PPP6R3: variants seen among roughly 807,000 people sequenced by gnomAD.
PPP6R3 encodes protein phosphatase 6 regulatory subunit 3, also known as serine/threonine-protein phosphatase 6 regulatory subunit 3.
PPP6R3 carries 38 observed loss-of-function variants against 110.7 expected under a neutral mutation model. That is an observed-to-expected ratio of 0.34 (90% CI 0.26 to 0.45). The LOEUF (loss-of-function observed/expected upper bound fraction) is 0.45. PPP6R3 is among the 20% of genes least tolerant of loss of function. PPP6R3 has a pLI of 1.00. For synonymous variants in PPP6R3, 369 were observed against 373.5 expected, an observed-to-expected ratio of 0.99 and a Z score of 0.14; for missense variants, 870 against 1,062.4, an observed-to-expected ratio of 0.82 and a Z score of 2.52.
At chr11:68,547,096 ACTT>A (rs939116545) in intron 4 of PPP6R3, among the ~76,000 whole-genome samples, 2 of 152,128 alleles carry the variant, frequency 1.3e-5, no homozygotes, top group African/African-American at 4.8e-5. Context: ...TGGCTATTAG[ACTT>A]CATGTGGCAT....
At chr11:68,487,462 C>T (rs1291411583) in intron 1 of PPP6R3, among the ~76,000 whole-genome samples, 2 of 151,696 alleles carry the variant, frequency 1.3e-5, no homozygotes, top group Admixed American at 1.3e-4. Context: ...CCCAGCTACT[C>T]GGGAGGCTGA....
At chr11:68,571,279 A>G in intron 12 of PPP6R3, 175 bp downstream of exon 12, 1 of 949,154 alleles carries the variant, frequency 1.1e-6, no homozygotes, top group South Asian at 2.0e-5. Context: ...AATACTAATA[A>G]TTTCTTGTTA....
chr11:68,581,928 T>C (rs1416171633), intron 14 of PPP6R3, among the ~76,000 whole-genome samples: 2 of 152,244 alleles, frequency 1.3e-5, no homozygotes, highest in African/African-American at 4.8e-5. Flanking sequence ...CTTGGTGTCT[T>C]TACCAAAGAT....
In PPP6R3 at chr11:68,567,252, A is replaced by G. The variant is rs541299442; in HGVS notation, c.1128+86A>G. 6.7e-5 allele frequency: 90 copies of G among 1,334,084 alleles called. 2 individuals carry two copies. The South Asian group carries it at 1.6e-3, about 23-fold the overall frequency. 82.6% of individuals were successfully genotyped at this position (1,334,084 alleles called of 1,614,324 possible). ...CCAAGTTACAACCTTACAAATTTACATTATGTCAGTGACTTTTCTTGGTCT... is the reference window on the plus strand; with the variant it reads ...CCAAGTTACAACCTTACAAATTTACGTTATGTCAGTGACTTTTCTTGGTCT... On this transcript the variant is annotated intron_variant, in intron 10 of 23. Transcript: ENST00000393800.
At chr11:68,466,387 A>G (rs979016985) in intron 1 of PPP6R3, among the ~76,000 whole-genome samples, 19 of 151,782 alleles carry the variant, frequency 1.3e-4, no homozygotes, top group Non-Finnish European at 2.5e-4. Flanking sequence ...GGCATTTGAC[A>G]GTATGTGGAA....
chr11:68,533,225 G>A (rs531926481), intron 2 of PPP6R3, among the ~76,000 whole-genome samples: 63 of 152,238 alleles, frequency 4.1e-4, no homozygotes, highest in Middle Eastern at 3.4e-3. Context: ...ATTTACCAGT[G>A]CCATTTGTTT....
intron 17 of PPP6R3, among the ~76,000 whole-genome samples, chr11:68,591,049 C>A (rs2099593735): frequency 2.0e-5 from 3 of 152,114 alleles, no homozygotes; most frequent in Admixed American, 6.5e-5. Context: ...TGGGTCAGGG[C>A]AAGCCCCTCG....
At chr11:68,466,390 A>G (rs1163088949) in intron 1 of PPP6R3, among the ~76,000 whole-genome samples, 3 of 149,936 alleles carry the variant, frequency 2.0e-5, no homozygotes, top group Non-Finnish European at 4.4e-5. Flanking sequence ...ATTTGACAGT[A>G]TGTGGAAAGG....
At chr11:68,480,340 C>T (rs948892338) in intron 1 of PPP6R3, among the ~76,000 whole-genome samples, 1 of 152,188 alleles carries the variant, frequency 6.6e-6, no homozygotes, top group Non-Finnish European at 1.5e-5. Context: ...TGGCCAAATG[C>T]CCTCAGTACA....
chr11:68,605,098 G>C (rs79007710), intron 22 of PPP6R3, among the ~76,000 whole-genome samples: 1,906 of 152,306 alleles, frequency 0.013, 24 homozygotes, highest in South Asian at 0.022. Flanking sequence ...CCAGCACTTT[G>C]GGAGGATTAG....
intron 14 of PPP6R3, 138 bp from the exon 15 acceptor site, chr11:68,582,905 G>A (rs2099566589): frequency 2.8e-6 from 2 of 707,276 alleles, no homozygotes; most frequent in Non-Finnish European, 4.6e-6. Context: ...GGGTTTGGCA[G>A]CTTAACTGTG....
At chr11:68,605,984 A>AG (rs1422475368) in intron 22 of PPP6R3, among the ~76,000 whole-genome samples, 1 of 152,240 alleles carries the variant, frequency 6.6e-6, no homozygotes, top group Non-Finnish European at 1.5e-5. Flanking sequence ...AACCAGATAA[A>AG]GATAATTACA....
chr11:68,542,389 G>GTTTTGTTTT (rs1555132285), intron 3 of PPP6R3, among the ~76,000 whole-genome samples: 34 of 40,184 alleles, frequency 8.5e-4, no homozygotes, highest in Non-Finnish European at 1.1e-3. Flanking sequence ...AGAAGCTGCT[G>GTTTTGTTTT]TTTTTTTTTT....
chr11:68,574,326 G>A (rs1480941088), intron 13 of PPP6R3, 102 bp downstream of exon 13: 1 of 871,044 alleles, frequency 1.1e-6, no homozygotes, highest in African/African-American at 1.7e-5. Context: ...TGATTTGTGG[G>A]ACTTCTTTAT....
chr11:68,507,598 C>A (rs1036090862), intron 1 of PPP6R3, among the ~76,000 whole-genome samples: 2 of 152,116 alleles, frequency 1.3e-5, no homozygotes, highest in African/African-American at 4.8e-5. Flanking sequence ...CATCTCATTA[C>A]CTTCATCTCT....
At chr11:68,515,259 G>C (rs948703841) in intron 1 of PPP6R3, 1 of 153,576 alleles carries the variant, frequency 6.5e-6, no homozygotes, top group African/African-American at 2.4e-5. Context: ...TTAGGGAGCA[G>C]CTGGTCTCCT....
Position 68,591,666 on chromosome 11 carries a change from A to G in PPP6R3, c.1876A>G (p.Lys626Glu), listed in dbSNP as rs749488318. 1.1e-5 allele frequency: 17 copies of G among 1,613,520 alleles called. No homozygotes were observed. The highest frequency in any genetic ancestry group is 1.4e-5 in the Non-Finnish European group (17 of 1,179,760). The change falls in exon 18 of 24, where the codon AAG becomes GAG. Residue 626 changes from lysine to glutamate, a missense_variant. By Grantham distance (56) the Lys-to-Glu change is moderately conservative. Coordinates refer to ENST00000393800, the MANE Select transcript of PPP6R3 (RefSeq NM_001164161.2). The part of the protein sequence containing the change: ...GSDEEDIWEE[K>E]HIAFTPESQR... ...TGATGAGGAAGATATATGGGAGGAA[A>G]AGCACATCGCATTCACACCAGAATC...
At chr11:68,503,758 T>TC (rs397830984) in intron 1 of PPP6R3, among the ~76,000 whole-genome samples, 1 of 150,398 alleles carries the variant, frequency 6.6e-6, no homozygotes, top group Non-Finnish European at 1.5e-5. Context: ...GACAAATAAC[T>TC]TTTTCTTTTT....
intron 4 of PPP6R3, among the ~76,000 whole-genome samples, chr11:68,547,522 CCTT>C (rs2099354091): frequency 6.6e-6 from 1 of 152,108 alleles, no homozygotes; most frequent in South Asian, 2.1e-4. Context: ...CACCAGCTGC[CCTT>C]CTTGTGCTAA....
Sources: gnomAD v4.1 joint callset for allele counts (sites outside exome capture counted in the v4.1 genomes callset) on GRCh38, gnomAD v4.1.1 for gene constraint, MANE v1.5 for transcripts, NCBI Gene and HGNC (gene_info 2026-07-23, HGNC 2026-07-21) for gene names.